TTLL10: variants seen among roughly 807,000 people sequenced by gnomAD.
The protein encoded by TTLL10 is inactive polyglycylase TTLL10.
Under a neutral mutation model 69.0 loss-of-function variants are expected in TTLL10, and 61 were observed. The observed-to-expected ratio is 0.88, with a 90% confidence interval of 0.72 to 1.09. TTLL10 has a LOEUF of 1.09. Among genes scored for constraint, TTLL10 ranks in the 50% least tolerant of loss-of-function variants. The probability of loss-of-function intolerance (pLI) is 0.00; values close to 1 mark genes in which losing one functional copy is unlikely to be tolerated. For synonymous variants in TTLL10, 408 were observed against 393.3 expected (o/e 1.04, Z -0.44); for missense variants, 962 against 945.9 (o/e 1.02, Z -0.22).
chr1:1,188,586 G>T (rs992587348), intron 13 of TTLL10, among the ~76,000 whole-genome samples: 9 of 151,986 alleles, frequency 5.9e-5, no homozygotes, highest in South Asian at 4.1e-4. Flanking sequence ...TGTATTTTTA[G>T]CAGAGACCAG....
In TTLL10 at chr1:1,182,245, C is replaced by T. The variant is rs542458041; in HGVS notation, c.831-116C>T. On this transcript the variant is annotated intron_variant, in intron 9 of 15. Transcript: ENST00000379289. ...TCCCCACAAGGAGAACGGCCGCGGG[C>T]GCCAGGTGCCACTGCCCACACTCCC... 440 of 866,770 alleles carry T rather than the reference C, an allele frequency of 5.1e-4. No individual in the cohort carries two copies. In the African/African-American group the frequency reaches 5.7e-3, roughly 11 times the overall value. The allele number at this position is 866,770 out of a possible 1,614,324, so 53.7% of individuals were successfully genotyped here.
Position 1,179,947 on chromosome 1 carries a change from T to C in TTLL10, c.200-87T>C, listed in dbSNP as rs2100860697. ...GGGATTGTCCAGGGTATTGGAGAAA[T>C]GGGCTGGGAGCAAACTGGCTGAGCC... On this transcript the variant is annotated intron_variant, in intron 5 of 15. Transcript: ENST00000379289. 6 of 1,442,908 alleles carry C rather than the reference T, an allele frequency of 4.2e-6. 1 individual carries two copies. The highest frequency in any genetic ancestry group is 4.3e-4 in the Middle Eastern group (2 of 4,688). 89.4% of individuals were successfully genotyped at this position (1,442,908 alleles called of 1,614,324 possible).
At position 1,197,734 on chromosome 1, in the gene TTLL10, C is replaced by CCCCA. The variant is rs1386805745; in HGVS notation, c.1910_1913dup (p.Gln638HisfsTer33). The stretch of plus-strand genomic sequence containing the variant: ...CCTGGACAGCGCCCACGATGGGGAG[C>CCCCA]CCCAGGCCCCGGGCACGGAGCAGTC... On this transcript the variant is annotated frameshift_variant, in exon 16 of 16. Transcript: ENST00000379289. LOFTEE classifies it high-confidence loss of function. 1 of 1,533,090 alleles carries CCCCA rather than the reference C, an allele frequency of 6.5e-7. No individual in the cohort carries two copies. Among genetic ancestry groups the CCCCA allele is most frequent in the African/African-American group, 1.4e-5 (1 of 71,668 alleles). The allele number at this position is 1,533,090 out of a possible 1,614,324, so 95.0% of individuals were successfully genotyped here. A position where few individuals can be genotyped will look rare whatever the true frequency, so the allele number is the denominator to read the frequency against.
At position 1,195,251 on chromosome 1, in the gene TTLL10, A is replaced by G. The variant is rs1648113509; in HGVS notation, c.1402-1349A>G. On this transcript the variant is annotated intron_variant, in intron 13 of 15. Coordinates refer to ENST00000379289, the MANE Select transcript of TTLL10 (RefSeq NM_001130045.2). ...AGCGATCCCCCTGCCTTGGCCTCCC[A>G]AAGTGCTGGGATTACAGGTGTGAAG... Among the ~76,000 whole-genome samples the G allele has an allele frequency of 2.6e-5, 4 of 152,296 alleles. No homozygotes were observed. The South Asian group carries it at 8.3e-4, about 32-fold the overall frequency.
At chr1:1,192,235 G>C (rs991340320) in intron 13 of TTLL10, among the ~76,000 whole-genome samples, 4 of 151,904 alleles carry the variant, frequency 2.6e-5, no homozygotes, top group African/African-American at 9.7e-5. Context: ...TCAGTTTTTT[G>C]TATATTTCGA....
Position 1,185,545 on chromosome 1 carries a change from G to A in TTLL10, c.1401+436G>A. ...CCCTAGCTAAGGGCCATGTGCGGTG[G>A]AGTGTCCTAATTTTGCAGGGTTCCT... On this transcript the variant is annotated intron_variant, in intron 13 of 15. Transcript: ENST00000379289. This position sits in a 1 kb window ranked among gnomAD's most constrained non-coding sequence, Gnocchi z 6.1. 4.0e-6 allele frequency: 4 copies of A among 1,004,610 alleles called. No homozygotes were observed. The highest frequency in any genetic ancestry group is 4.7e-6 in the Non-Finnish European group (4 of 843,254). The allele number at this position is 1,004,610 out of a possible 1,614,324, so 62.2% of individuals were successfully genotyped here.
At chr1:1,178,173 C>T (rs375841844) in intron 3 of TTLL10, among the ~76,000 whole-genome samples, 2 of 152,166 alleles carry the variant, frequency 1.3e-5, no homozygotes, top group African/African-American at 4.8e-5. Flanking sequence ...CAGGCCTACC[C>T]CAGCCTTCTC....
chr1:1,179,738 G>T lies in TTLL10; in HGVS notation c.199+1G>T. ...CCTGCACCAGGCCACTGCCCTGTTG[G>T]TGAGGAGGGTCGGAGGGGCGACCTC... is the stretch of plus-strand genomic sequence containing the variant. On this transcript the variant is annotated splice_donor_variant, in intron 5 of 15. Coordinates refer to ENST00000379289, the MANE Select transcript of TTLL10 (RefSeq NM_001130045.2). LOFTEE classifies it high-confidence loss of function. 1 of 1,547,976 alleles carries T rather than the reference G, an allele frequency of 6.5e-7. No homozygotes were observed.
intron 3 of TTLL10, chr1:1,175,768 G>A (rs747419150): frequency 2.4e-6 from 1 of 420,236 alleles, no homozygotes. Context: ...CTGTTGTGCA[G>A]GTGGAGAGGC....
At chr1:1,174,589 A>G (rs1294521150) in intron 3 of TTLL10, 100 bp downstream of exon 3, 1 of 152,146 alleles carries the variant, frequency 6.6e-6, no homozygotes, top group East Asian at 1.9e-4. Flanking sequence ...ACCGTCCTCC[A>G]CACCGGGCGT....
At chr1:1,194,540 G>A (rs12060422) in intron 13 of TTLL10, among the ~76,000 whole-genome samples, 15,186 of 152,152 alleles carry the variant, frequency 0.1, 864 homozygotes, top group East Asian at 0.15. Flanking sequence ...TGTTTATCTG[G>A]GAATGTCTTA....
rs889428402 is a variant in TTLL10, at chr1:1,197,512, G to C, written c.1687G>C (p.Val563Leu). ...GCCTCTGCTGTCCCAGCGCCGCTTC[G>C]TGCTCCTGCACAACGGTGAGGCCGA... ...MLPLLSQRRFVLLHNGEADPR... is the reference protein window; with the variant it reads ...MLPLLSQRRFLLLHNGEADPR... Residue 563 changes from valine to leucine, a missense_variant, in exon 16 of 16, where the codon GTG (valine) becomes CTG (leucine). By Grantham distance (32) the Val-to-Leu change is conservative. Coordinates refer to ENST00000379289, the MANE Select transcript of TTLL10 (RefSeq NM_001130045.2). 3.2e-6 allele frequency: 5 copies of C among 1,541,148 alleles called. No homozygotes were observed. Among genetic ancestry groups the C allele is most frequent in the East Asian group, 2.4e-5 (1 of 40,856 alleles).
At chr1:1,196,556 G>T (rs898139780) in intron 13 of TTLL10, 44 bp from the exon 14 acceptor site, 6 of 1,452,602 alleles carry the variant, frequency 4.1e-6, no homozygotes, top group Non-Finnish European at 2.8e-6. Context: ...GGTGTGATCA[G>T]GGCCTACGGG....
At chr1:1,186,789 A>G (rs1647356158) in intron 13 of TTLL10, among the ~76,000 whole-genome samples, 1 of 151,174 alleles carries the variant, frequency 6.6e-6, no homozygotes, top group African/African-American at 2.4e-5. Flanking sequence ...AGAAATGTCT[A>G]TTCAAACGCT....
chr1:1,183,782 C>A, intron 11 of TTLL10, 138 bp from the exon 12 acceptor site: 1 of 1,126,924 alleles, frequency 8.9e-7, no homozygotes, highest in Non-Finnish European at 1.3e-6. Flanking sequence ...CCCAGAAATG[C>A]CCCCTTTCCC....
chr1:1,197,041 T>C, intron 14 of TTLL10, 52 bp from the exon 15 acceptor site: 2 of 1,514,540 alleles, frequency 1.3e-6, no homozygotes, highest in Non-Finnish European at 1.8e-6. Flanking sequence ...CTCTGCCTCC[T>C]GCTGGCCCAG....
rs1647038341 is a variant in TTLL10, at chr1:1,180,876, CCCCTGCCCCCGT to C, written c.755+23_755+34del. 1 of 1,545,464 alleles carries C rather than the reference CCCCTGCCCCCGT, an allele frequency of 6.5e-7. No homozygotes were observed. The highest frequency in any genetic ancestry group is 1.4e-5 in the African/African-American group (1 of 72,178). Reference sequence around the variant, plus strand: ...TCCAGGCCAGGTGAGTCTGCCCCTGCCCCTGCCCCCGTCCCTGCGCCCGCCCCTACGCCTGCC... The same window carrying C: ...TCCAGGCCAGGTGAGTCTGCCCCTGCCCCTGCGCCCGCCCCTACGCCTGCC... On this transcript the variant is annotated intron_variant, in intron 8 of 15. Coordinates refer to ENST00000379289, the MANE Select transcript of TTLL10 (RefSeq NM_001130045.2).
rs1443361112 is a variant in TTLL10, at chr1:1,181,186, A to G, written c.755+326A>G. Among the ~76,000 whole-genome samples, 5 of 150,904 alleles carry G rather than the reference A, an allele frequency of 3.3e-5. No individual in the cohort carries two copies. Among genetic ancestry groups the G allele is most frequent in the Admixed American group, 2.0e-4 (3 of 15,132 alleles). Reference sequence around the variant, plus strand: ...ACGGGGAAGATCCCACACGTCCCCAACCCACTGGGCCTGACACCCACCCAC... The same window carrying G: ...ACGGGGAAGATCCCACACGTCCCCAGCCCACTGGGCCTGACACCCACCCAC... On this transcript the variant is annotated intron_variant, in intron 8 of 15. Transcript: ENST00000379289. The surrounding 1 kb of genome is among the most constrained non-coding windows in gnomAD (Gnocchi z 4.6).
At chr1:1,180,452 C>G in intron 6 of TTLL10, 31 bp from the exon 7 acceptor site, 1 of 1,511,478 alleles carries the variant, frequency 6.6e-7, no homozygotes, top group Non-Finnish European at 9.0e-7. Context: ...TGCCTCGGCC[C>G]CCAGGTCACC....
Sources: allele counts gnomAD v4.1 joint callset (sites outside exome capture counted in the v4.1 genomes callset), GRCh38; gene constraint gnomAD v4.1.1; non-coding constraint Gnocchi (gnomAD v3.1); transcripts MANE v1.5; gene names NCBI Gene and HGNC (gene_info 2026-07-23, HGNC 2026-07-21).